CCDC148: variants seen among roughly 807,000 people sequenced by gnomAD.
CCDC148 encodes the protein coiled-coil domain-containing protein 148.
A neutral mutation model predicts 85.7 loss-of-function variants in CCDC148; 89 were observed. The ratio of observed to expected loss-of-function variants is 1.04; its 90% CI spans 0.87 to 1.24. The LOEUF (loss-of-function observed/expected upper bound fraction) is 1.24. CCDC148 is among the 50% of genes most tolerant of loss of function. CCDC148 has a pLI of 0.00. For synonymous variants in CCDC148, 230 were observed against 213.9 expected (o/e 1.08, Z -0.66); for missense variants, 692 against 671.7 (o/e 1.03, Z -0.33).
intron 1 of CCDC148, among the ~76,000 whole-genome samples, chr2:158,374,081 T>C (rs945084192): frequency 3.3e-5 from 5 of 152,080 alleles, no homozygotes; most frequent in African/African-American, 1.2e-4. Context: ...TACATTTAAA[T>C]CTAGGGTCAC....
chr2:158,341,316 T>A (rs940725006), intron 3 of CCDC148, among the ~76,000 whole-genome samples: 19 of 151,798 alleles, frequency 1.3e-4, no homozygotes, highest in Middle Eastern at 3.4e-3. Flanking sequence ...CATATTTTTT[T>A]TTTTTTTTTG....
At chr2:158,444,724 G>A (rs925746041) in intron 1 of CCDC148, among the ~76,000 whole-genome samples, 2 of 141,726 alleles carry the variant, frequency 1.4e-5, no homozygotes, top group East Asian at 2.3e-4. Context: ...GGTTTAGACC[G>A]CAGGGAGCTG....
chr2:158,422,445 A>T (rs1178204163), intron 1 of CCDC148, among the ~76,000 whole-genome samples: 1 of 152,186 alleles, frequency 6.6e-6, no homozygotes, highest in Non-Finnish European at 1.5e-5. Context: ...CCAATCAATA[A>T]ATGTAATCCA....
chr2:158,345,942 T>C (rs1682973424), intron 2 of CCDC148, among the ~76,000 whole-genome samples: 1 of 152,212 alleles, frequency 6.6e-6, no homozygotes, highest in Non-Finnish European at 1.5e-5. Flanking sequence ...TGCGTCTTTG[T>C]AAAAAAATTT....
intron 10 of CCDC148, among the ~76,000 whole-genome samples, chr2:158,241,705 G>C (rs917050537): frequency 6.6e-6 from 1 of 152,078 alleles, no homozygotes; most frequent in African/African-American, 2.4e-5. Context: ...TATGTTAAAG[G>C]GTGGGGAGGC....
At chr2:158,187,677 T>C (rs1163692167) in intron 11 of CCDC148, among the ~76,000 whole-genome samples, 1 of 152,050 alleles carries the variant, frequency 6.6e-6, no homozygotes, top group South Asian at 2.1e-4. Flanking sequence ...GTGCTTCCTA[T>C]CTCTTGCACT....
At chr2:158,196,163 C>A (rs999052417) in intron 11 of CCDC148, among the ~76,000 whole-genome samples, 9 of 152,064 alleles carry the variant, frequency 5.9e-5, no homozygotes, top group African/African-American at 2.2e-4. Flanking sequence ...TAAATTTACA[C>A]AAAATCAATT....
chr2:158,273,483 G>A (rs1017060734), intron 9 of CCDC148, among the ~76,000 whole-genome samples: 6 of 152,142 alleles, frequency 3.9e-5, no homozygotes, highest in Non-Finnish European at 1.5e-5. Context: ...ACAAGAAAGT[G>A]CCTGATGGGC....
chr2:158,283,826 T>C (rs36132451), intron 9 of CCDC148, among the ~76,000 whole-genome samples: 19,803 of 150,664 alleles, frequency 0.13, 1,345 homozygotes, highest in Middle Eastern at 0.19. Context: ...CACATGCACA[T>C]GTATGTTTAT....
chr2:158,326,940 A>C (rs542032324), intron 7 of CCDC148, among the ~76,000 whole-genome samples: 1 of 152,226 alleles, frequency 6.6e-6, no homozygotes, highest in Non-Finnish European at 1.5e-5. Context: ...TGATTACTTA[A>C]CTATATACCT....
At chr2:158,297,614 C>G (rs899209536) in intron 9 of CCDC148, among the ~76,000 whole-genome samples, 1 of 152,164 alleles carries the variant, frequency 6.6e-6, no homozygotes, top group Non-Finnish European at 1.5e-5. Context: ...TAGTTGCACA[C>G]AGCAGAATCC....
At chr2:158,234,349 C>T (rs1380108757) in intron 10 of CCDC148, among the ~76,000 whole-genome samples, 1 of 152,166 alleles carries the variant, frequency 6.6e-6, no homozygotes, top group African/African-American at 2.4e-5. Context: ...TCCTTTCAGT[C>T]TGCAATTAAA....
chr2:158,296,818 G>A (rs932418169), intron 9 of CCDC148, among the ~76,000 whole-genome samples: 7 of 152,154 alleles, frequency 4.6e-5, no homozygotes, highest in Non-Finnish European at 8.8e-5. Flanking sequence ...GATTCATCAA[G>A]TCCTCGAACC....
chr2:158,341,389 C>A (rs1682688545), intron 3 of CCDC148, among the ~76,000 whole-genome samples: 1 of 151,404 alleles, frequency 6.6e-6, no homozygotes, highest in Admixed American at 6.6e-5. Context: ...TCACTGAAAC[C>A]TCCATCTCCT....
At chr2:158,361,487 C>T (rs1683943974) in intron 1 of CCDC148, among the ~76,000 whole-genome samples, 1 of 152,126 alleles carries the variant, frequency 6.6e-6, no homozygotes, top group Non-Finnish European at 1.5e-5. Flanking sequence ...CTGCAGAAAC[C>T]CTACAAGCCA....
At chr2:158,295,912 T>C (rs1691165543) in intron 9 of CCDC148, among the ~76,000 whole-genome samples, 1 of 152,102 alleles carries the variant, frequency 6.6e-6, no homozygotes, top group Non-Finnish European at 1.5e-5. Context: ...GGGTATTCAA[T>C]TAGGAAAAGA....
chr2:158,200,624 T>C (rs1333249719), intron 11 of CCDC148, among the ~76,000 whole-genome samples: 1 of 152,160 alleles, frequency 6.6e-6, no homozygotes, highest in Non-Finnish European at 1.5e-5. Context: ...TCAGGTAAAA[T>C]ATTTTGGCAC....
chr2:158,439,705 G>C (rs1407104731), intron 1 of CCDC148, among the ~76,000 whole-genome samples: 2 of 151,970 alleles, frequency 1.3e-5, no homozygotes, highest in Non-Finnish European at 2.9e-5. Flanking sequence ...AAAAAAGAAA[G>C]GGTAGACTAT....
intron 3 of CCDC148, among the ~76,000 whole-genome samples, chr2:158,343,842 C>CAA (rs1298318062): frequency 6.6e-6 from 1 of 152,104 alleles, no homozygotes; most frequent in Non-Finnish European, 1.5e-5. Flanking sequence ...TCCTGGAATT[C>CAA]TTCATTTTGT....
Sources: gnomAD v4.1 joint callset for allele counts (sites outside exome capture counted in the v4.1 genomes callset) on GRCh38, gnomAD v4.1.1 for gene constraint, MANE v1.5 for transcripts, NCBI Gene and HGNC (gene_info 2026-07-23, HGNC 2026-07-21) for gene names.